PLIN2: variants seen among roughly 807,000 people sequenced by gnomAD.
PLIN2 encodes the protein perilipin 2, also known as perilipin-2.
Under a neutral mutation model 30.6 loss-of-function variants are expected in PLIN2, and 33 were observed. That is an observed-to-expected ratio of 1.08 (90% CI 0.82 to 1.44). The LOEUF (loss-of-function observed/expected upper bound fraction) is 1.44. Among genes scored for constraint, PLIN2 ranks in the 40% most tolerant of loss-of-function variants. The probability of loss-of-function intolerance (pLI) is 0.00; values close to 1 mark genes in which losing one functional copy is unlikely to be tolerated. For synonymous variants in PLIN2, 205 were observed against 201.1 expected (o/e 1.02, Z -0.16); for missense variants, 610 against 531.8 (o/e 1.15, Z -1.45).
chr9:19,120,822 G>A, intron 5 of PLIN2, 58 bp downstream of exon 5: 1 of 1,339,798 alleles, frequency 7.5e-7, no homozygotes, highest in East Asian at 2.3e-5. Flanking sequence ...ATATGTCAAT[G>A]AAGCTGTTTA....
chr9:19,123,563 A>C lies in PLIN2; in HGVS notation c.309+2T>G. 1.2e-6 allele frequency: 2 copies of C among 1,614,186 alleles called. No individual in the cohort carries two copies. The highest frequency in any genetic ancestry group is 1.7e-6 in the Non-Finnish European group (2 of 1,179,982). The stretch of plus-strand genomic sequence containing the variant: ...GTCTCAGCACTTTTGTCCCAAGCTC[A>C]CCTGAGTTGATGGCTGATTCAGAAT... On this transcript the variant is annotated splice_donor_variant, in intron 4 of 7. Transcript: ENST00000276914. LOFTEE classifies it high-confidence loss of function.
At chr9:19,111,585 A>T (rs1818160537), downstream of PLIN2, among the ~76,000 whole-genome samples, 1 of 148,168 alleles carries the variant, frequency 6.7e-6, no homozygotes, top group African/African-American at 2.5e-5. Flanking sequence ...AGTTGACACC[A>T]TTTTTTTTTT....
At chr9:19,113,423 C>T (rs984086477), downstream of PLIN2, among the ~76,000 whole-genome samples, 6 of 152,004 alleles carry the variant, frequency 3.9e-5, no homozygotes, top group Non-Finnish European at 8.8e-5. Flanking sequence ...GTCCTGGAAA[C>T]CCATAAATCA....
Position 19,119,974 on chromosome 9 carries a change from G to A in PLIN2, c.596-143C>T, listed in dbSNP as rs1019326392. On this transcript the variant is annotated intron_variant, in intron 5 of 7. Transcript: ENST00000276914. ...CAGTCATTTTTCCAAGACTGCTCAC[G>A]TCTGCTGCTGGACTTGACTACCCTG... The A allele has an allele frequency of 6.8e-5, 39 of 572,914 alleles. 1 individual carries two copies. Among genetic ancestry groups the A allele is most frequent in the Middle Eastern group, 4.0e-4 (1 of 2,488 alleles). 35.5% of individuals were successfully genotyped at this position (572,914 alleles called of 1,614,324 possible).
intron 4 of PLIN2, among the ~76,000 whole-genome samples, chr9:19,122,747 A>T (rs1026447960): frequency 4.6e-5 from 7 of 152,050 alleles, no homozygotes; most frequent in Admixed American, 2.6e-4. Context: ...CCTAACCCTA[A>T]CCCTCTTGTG....
downstream of PLIN2, among the ~76,000 whole-genome samples, chr9:19,115,555 C>T (rs1287267660): frequency 3.9e-5 from 6 of 152,120 alleles, no homozygotes; most frequent in African/African-American, 1.4e-4. Context: ...GATCCGCCCA[C>T]CTCAGCCTCC....
downstream of PLIN2, among the ~76,000 whole-genome samples, chr9:19,113,161 G>A (rs2131173458): frequency 2.0e-5 from 3 of 151,998 alleles, no homozygotes; most frequent in Admixed American, 2.0e-4. Flanking sequence ...TGGCCAATGT[G>A]GTGAAACCCC....
Position 19,118,386 on chromosome 9 carries a change from G to T in PLIN2, c.847C>A (p.Leu283Ile). 6.2e-7 allele frequency: 1 copy of T among 1,613,492 alleles called. No individual in the cohort carries two copies. ...CTCCTTTTCCACTCTACCCATGAGA[G>T]GTAGAGCTTATCCTGAGCATCCTGA... ...KIQDAQDKLY[L>I]SWVEWKRSIG... is the part of the protein sequence containing the mutation. Residue 283 changes from leucine (L) to isoleucine (I), a missense_variant, in exon 7 of 8, where the codon CTC (leucine) becomes ATC (isoleucine). Coordinates refer to ENST00000276914, the MANE Select transcript of PLIN2 (RefSeq NM_001122.4).
At position 19,127,210 on chromosome 9, in the gene PLIN2, G is replaced by T. The variant is rs762770840; in HGVS notation, c.-23+209C>A. On this transcript the variant is annotated intron_variant, in intron 1 of 7. Coordinates refer to ENST00000276914, the MANE Select transcript of PLIN2 (RefSeq NM_001122.4). The surrounding 1 kb of genome is among the most constrained non-coding windows in gnomAD (Gnocchi z 4.3). The stretch of plus-strand genomic sequence containing the variant: ...ACAAAGGCAAGGGTCGAAAGCGCGG[G>T]TTCAGCAGACCGCCCCTACCCAGCC... Among the ~76,000 whole-genome samples, 119 of 152,188 alleles carry T rather than the reference G, an allele frequency of 7.8e-4. No individual in the cohort carries two copies. The highest frequency in any genetic ancestry group is 1.5e-3 in the Non-Finnish European group (102 of 68,022).
rs1157563676 is a variant in PLIN2 at position 19,116,329 on chromosome 9, C to A, written c.1233G>T (p.Glu411Asp). ...LVGPFYPQLT[E>D]SQNAQDQGAE... ...CACCTTGGTCCTGAGCATTCTGAGA[C>A]TCAGTCAGCTGAGGATAAAAGGGAC... The change falls in exon 8 of 8, where the codon GAG (glutamate) becomes GAT (aspartate). Residue 411 changes from glutamate (E) to aspartate (D), a missense_variant. Glu to Asp is a conservative substitution (Grantham distance 45). Transcript: ENST00000276914. The A allele has an allele frequency of 6.2e-7, 1 of 1,613,966 alleles. No individual in the cohort carries two copies. The highest frequency in any genetic ancestry group is 8.5e-7 in the Non-Finnish European group (1 of 1,180,034).
chr9:19,116,438 T>G lies in PLIN2; in HGVS notation c.1124A>C (p.Lys375Thr), dbSNP rs1236877399. The G allele has an allele frequency of 1.9e-6, 3 of 1,614,148 alleles. No homozygotes were observed. In the Admixed American group the frequency reaches 5.0e-5, roughly 27 times the overall value. ...EVSDSLLTSS[K>T]GQLQKMKESL... is the part of the protein sequence containing the mutation. ...TTCCTTCATTTTCTGCAGCTGCCCC[T>G]TGCTAGAAGTGAGGAGGCTGTCAGA... The change falls in exon 8 of 8, where the codon AAG becomes ACG. Residue 375 changes from lysine (K) to threonine (T), a missense_variant. Transcript: ENST00000276914.
At chr9:19,121,489 C>CAAAA (rs375474450) in intron 4 of PLIN2, among the ~76,000 whole-genome samples, 3 of 45,246 alleles carry the variant, frequency 6.6e-5, no homozygotes, top group Non-Finnish European at 1.4e-4. Context: ...GACCCTGTCT[C>CAAAA]AAAAAAAAAA....
downstream of PLIN2, among the ~76,000 whole-genome samples, chr9:19,113,644 G>A (rs1818184343): frequency 6.6e-6 from 1 of 151,116 alleles, no homozygotes; most frequent in Admixed American, 6.6e-5. Context: ...CACAATCTCG[G>A]CTCACTGCAA....
At chr9:19,110,014 T>C (rs1818138379) in intron 2 of PLIN2, among the ~76,000 whole-genome samples, 1 of 151,822 alleles carries the variant, frequency 6.6e-6, no homozygotes, top group Non-Finnish European at 1.5e-5. Flanking sequence ...TGGGGAGTTA[T>C]TGTGGGTTTT....
intron 6 of PLIN2, among the ~76,000 whole-genome samples, chr9:19,118,724 A>T (rs1377809145): frequency 6.6e-6 from 1 of 152,186 alleles, no homozygotes; most frequent in Non-Finnish European, 1.5e-5. Context: ...AAAAACTACA[A>T]AAAATTTTTT....
chr9:19,115,366 G>A (rs1818205570), downstream of PLIN2, among the ~76,000 whole-genome samples: 1 of 148,850 alleles, frequency 6.7e-6, no homozygotes, highest in Non-Finnish European at 1.5e-5. Context: ...AGAGCGCAGT[G>A]GCGCTATCTC....
At chr9:19,109,600 G>A (rs1818133078) in intron 2 of PLIN2, among the ~76,000 whole-genome samples, 1 of 147,570 alleles carries the variant, frequency 6.8e-6, no homozygotes, top group Non-Finnish European at 1.5e-5. Flanking sequence ...ATTACCAAAG[G>A]CTAGAATCTT....
intron 4 of PLIN2, 182 bp downstream of exon 4, chr9:19,123,383 G>C (rs1358509885): frequency 1.4e-5 from 22 of 1,551,150 alleles, no homozygotes; most frequent in Non-Finnish European, 1.9e-5. Flanking sequence ...TCTCTGCTTC[G>C]TAGATACAAC....
chr9:19,116,672 G>C (rs755869135), intron 7 of PLIN2, 23 bp from the exon 8 acceptor site: 2 of 1,601,294 alleles, frequency 1.2e-6, no homozygotes, highest in Non-Finnish European at 1.7e-6. Flanking sequence ...CTTAAAATTA[G>C]CAGTGGATCC....
Sources: allele counts gnomAD v4.1 joint callset (sites outside exome capture counted in the v4.1 genomes callset), GRCh38; gene constraint gnomAD v4.1.1; non-coding constraint Gnocchi (gnomAD v3.1); transcripts MANE v1.5; gene names NCBI Gene and HGNC (gene_info 2026-07-23, HGNC 2026-07-21).